Variants in IQSEC1 observed in about 807,000 individuals in gnomAD.
IQSEC1 encodes IQ motif and SEC7 domain-containing protein 1.
Under a neutral mutation model 91.0 loss-of-function variants are expected in IQSEC1, and 31 were observed. The ratio of observed to expected loss-of-function variants is 0.34; its 90% CI spans 0.26 to 0.46. IQSEC1 has a LOEUF of 0.46. IQSEC1 is among the 20% of genes least tolerant of loss of function. The pLI is 1.00. For missense variants in IQSEC1, 1,388 were observed against 1,575.6 expected (o/e 0.88, Z 2.02); for synonymous variants, 699 against 662.6 (o/e 1.05, Z -0.84).
In IQSEC1 at chr3:13,015,997, G is replaced by A. The variant is rs971281424; in HGVS notation, c.23+56995C>T. Among the ~76,000 whole-genome samples, 61 of 152,224 alleles carry A rather than the reference G, an allele frequency of 4.0e-4. 2 individuals are homozygous for A. The highest frequency in any genetic ancestry group is 3.8e-3 in the Admixed American group (58 of 15,286). On this transcript the variant is annotated intron_variant, in intron 1 of 13. Coordinates refer to ENST00000613206, the MANE Select transcript of IQSEC1 (RefSeq NM_001134382.3). ...GGCCACATGGGCACTGCACTGTCAC[G>A]GAGGGCCAGCTGGAGCCAGCAGCAT...
At position 13,073,281 on chromosome 3, in the gene IQSEC1, T is replaced by C. The variant is rs894465492; in HGVS notation, c.-267A>G. 4.6e-5 allele frequency among the ~76,000 whole-genome samples: 7 copies of C among 152,062 alleles called. No homozygotes were observed. Reference sequence around the variant, plus strand: ...AGCGAGCGAGGACGTCGAGTAACCGTGGTCGCCAGGCTGGGCGGGGGCGTC... The same window carrying C: ...AGCGAGCGAGGACGTCGAGTAACCGCGGTCGCCAGGCTGGGCGGGGGCGTC... On this transcript the variant is annotated 5_prime_UTR_variant, in exon 1 of 14. Transcript: ENST00000613206.
chr3:12,910,958 G>A (rs904154793), intron 10 of IQSEC1, among the ~76,000 whole-genome samples: 64 of 152,238 alleles, frequency 4.2e-4, no homozygotes, highest in Admixed American at 4.6e-4. Flanking sequence ...GGAGGGGGAA[G>A]AGAAGCCGTG....
chr3:13,280,526 C>G (rs146847694), intron 1 of IQSEC1, among the ~76,000 whole-genome samples: 1 of 152,194 alleles, frequency 6.6e-6, no homozygotes, highest in East Asian at 1.9e-4. Context: ...TCCCAAAAGA[C>G]TAGGGAGTGA....
intron 2 of IQSEC1, among the ~76,000 whole-genome samples, chr3:13,122,224 G>C (rs1706437470): frequency 6.6e-6 from 1 of 152,264 alleles, no homozygotes; most frequent in South Asian, 2.1e-4. Context: ...AGGTAACGGA[G>C]CCACGTGAGT....
chr3:13,174,299 G>T (rs765836376), intron 1 of IQSEC1, among the ~76,000 whole-genome samples: 3 of 152,172 alleles, frequency 2.0e-5, no homozygotes. Flanking sequence ...CTCTGGGTCA[G>T]CAAGAGGCTG....
At chr3:13,142,325 T>C (rs1442673966) in intron 2 of IQSEC1, among the ~76,000 whole-genome samples, 1 of 152,168 alleles carries the variant, frequency 6.6e-6, no homozygotes, top group East Asian at 1.9e-4. Flanking sequence ...AGGGTGGGTG[T>C]GGAAGCAGCA....
chr3:12,951,753 G>T (rs1699564145), intron 1 of IQSEC1, among the ~76,000 whole-genome samples: 1 of 152,214 alleles, frequency 6.6e-6, no homozygotes, highest in Non-Finnish European at 1.5e-5. Context: ...CCCCTGGCAG[G>T]CAGGGTTTGG....
intron 2 of IQSEC1, among the ~76,000 whole-genome samples, chr3:13,136,275 A>G (rs1706708623): frequency 6.6e-6 from 1 of 152,230 alleles, no homozygotes; most frequent in Non-Finnish European, 1.5e-5. Context: ...CCCGACTCAC[A>G]CCACACCCCA....
At chr3:13,163,001 A>G (rs1576277854) in intron 2 of IQSEC1, among the ~76,000 whole-genome samples, 1 of 149,474 alleles carries the variant, frequency 6.7e-6, no homozygotes, top group African/African-American at 2.5e-5. Flanking sequence ...TCCTTCTGGG[A>G]CCCTCTCTCT....
At chr3:13,094,198 C>T (rs942920262) in intron 2 of IQSEC1, among the ~76,000 whole-genome samples, 4 of 152,118 alleles carry the variant, frequency 2.6e-5, no homozygotes, top group African/African-American at 9.7e-5. Flanking sequence ...GTGGAGAAGC[C>T]GGTGCTGTGG....
At chr3:13,208,607 C>T (rs1694386001) in intron 1 of IQSEC1, among the ~76,000 whole-genome samples, 1 of 152,208 alleles carries the variant, frequency 6.6e-6, no homozygotes, top group African/African-American at 2.4e-5. Flanking sequence ...TGTCTGTTCC[C>T]CAGATGAGCT....
Position 13,190,557 on chromosome 3 carries a change from A to AAAAAAACAAAC in IQSEC1, c.273-26425_273-26424insGTTTGTTTTTT, listed in dbSNP as rs761514014. On this transcript the variant is annotated intron_variant, in intron 1 of 15. Transcript: ENST00000648114. ...GGTGACAGAGCAAGACCCTGTCTCA[A>AAAAAAACAAAC]AAAAAAAAAACAGATAAAGTGTGGC... Among the ~76,000 whole-genome samples the AAAAAAACAAAC allele has an allele frequency of 8.0e-4, 119 of 148,078 alleles. 1 individual carries two copies. Among genetic ancestry groups the AAAAAAACAAAC allele is most frequent in the South Asian group, 3.8e-3 (18 of 4,754 alleles).
chr3:13,064,093 C>T (rs1422194770), intron 1 of IQSEC1, among the ~76,000 whole-genome samples: 1 of 152,030 alleles, frequency 6.6e-6, no homozygotes, highest in Non-Finnish European at 1.5e-5. Context: ...GGATCCATCA[C>T]TACCAGGATT....
At chr3:13,272,091 T>G (rs1695599003) in intron 1 of IQSEC1, among the ~76,000 whole-genome samples, 2 of 152,194 alleles carry the variant, frequency 1.3e-5, no homozygotes, top group South Asian at 4.1e-4. Flanking sequence ...AAGTATGATC[T>G]CTGAACAAAA....
rs151127318 is a variant in IQSEC1 at position 12,926,102 on chromosome 3, G to C, written c.1569-1360C>G. The stretch of plus-strand genomic sequence containing the variant: ...GAGGCAGGTGGATCACGTGAGGTCA[G>C]GAGTTCCAGACCAGCCTGGACAACA... On this transcript the variant is annotated intron_variant, in intron 3 of 13. Transcript: ENST00000613206. Among the ~76,000 whole-genome samples, 1,132 of 152,258 alleles carry C rather than the reference G, an allele frequency of 7.4e-3. 13 individuals carry two copies. The highest frequency in any genetic ancestry group is 0.026 in the African/African-American group (1,084 of 41,554).
In IQSEC1 at chr3:12,902,760, G is replaced by T; in HGVS notation, c.2805+13C>A. On this transcript the variant is annotated intron_variant, in intron 13 of 13. Coordinates refer to ENST00000613206, the MANE Select transcript of IQSEC1 (RefSeq NM_001134382.3). ...ACAGGACAGCCAGCTGGACAGAGGC[G>T]CTTCCTACTTACTTCCACATTGCTC... 1 of 1,599,850 alleles carries T rather than the reference G, an allele frequency of 6.3e-7. No homozygotes were observed. Among genetic ancestry groups the T allele is most frequent in the Admixed American group, 1.7e-5 (1 of 59,736 alleles).
intron 1 of IQSEC1, among the ~76,000 whole-genome samples, chr3:13,252,716 A>ATTTTTTTTT (rs534082627): frequency 5.6e-5 from 7 of 125,788 alleles, no homozygotes; most frequent in African/African-American, 3.0e-4. Context: ...CTTATTATCT[A>ATTTTTTTTT]TGTTTTTTTT....
chr3:13,105,652 G>A (rs1706140958), intron 2 of IQSEC1, among the ~76,000 whole-genome samples: 1 of 152,006 alleles, frequency 6.6e-6, no homozygotes, highest in African/African-American at 2.4e-5. Flanking sequence ...GCATCTAAGA[G>A]TCCCCCTAGA....
rs115742176 is a variant in IQSEC1 at position 13,238,297 on chromosome 3, C to T, written c.272+44414G>A. Among the ~76,000 whole-genome samples the T allele has an allele frequency of 8.8e-3, 1,335 of 152,296 alleles. 20 individuals are homozygous for T. Among genetic ancestry groups the T allele is most frequent in the African/African-American group, 0.03 (1,249 of 41,558 alleles). ...TCAACAGCTCCCTGAGTCCAGACCACGCACAGCAACCCTTGTCCAGCCCTG... is the reference window on the plus strand; with the variant it reads ...TCAACAGCTCCCTGAGTCCAGACCATGCACAGCAACCCTTGTCCAGCCCTG... On this transcript the variant is annotated intron_variant, in intron 1 of 15. Transcript: ENST00000648114.
Sources: allele counts gnomAD v4.1 joint callset (sites outside exome capture counted in the v4.1 genomes callset), GRCh38; gene constraint gnomAD v4.1.1; transcripts MANE v1.5; gene names NCBI Gene and HGNC (gene_info 2026-07-23, HGNC 2026-07-21).